Variants in ROBO1 observed in about 807,000 individuals in gnomAD.
ROBO1 encodes the protein roundabout guidance receptor 1, also known as roundabout homolog 1.
ROBO1 carries 149 observed loss-of-function variants against 195.9 expected under a neutral mutation model. The ratio of observed to expected loss-of-function variants is 0.76; its 90% CI spans 0.67 to 0.87. The LOEUF (loss-of-function observed/expected upper bound fraction) is 0.87, where lower values mean the gene tolerates loss of function less well. ROBO1 is among the 40% of genes least tolerant of loss of function. ROBO1 has a pLI of 0.00. For synonymous variants in ROBO1, 816 were observed against 733.2 expected (o/e 1.11, Z -1.82); for missense variants, 1,933 against 2,068.3 (o/e 0.93, Z 1.27).
At chr3:79,748,167 C>T (rs934907429) in intron 1 of ROBO1, among the ~76,000 whole-genome samples, 3 of 151,988 alleles carry the variant, frequency 2.0e-5, no homozygotes, top group South Asian at 4.1e-4. Flanking sequence ...TAGTAGAATA[C>T]AGTTAAATAA....
chr3:79,693,407 G>C (rs1017737522), intron 1 of ROBO1, among the ~76,000 whole-genome samples: 1 of 150,152 alleles, frequency 6.7e-6, no homozygotes, highest in Admixed American at 6.7e-5. Flanking sequence ...GTGTGTGTGT[G>C]TGTGTGTGTG....
chr3:79,303,059 T>C (rs923099172), intron 2 of ROBO1, among the ~76,000 whole-genome samples: 1 of 152,090 alleles, frequency 6.6e-6, no homozygotes, highest in Non-Finnish European at 1.5e-5. Context: ...CTGATAGATA[T>C]AATTGTATGT....
At chr3:78,672,613 A>G (rs1051608863) in intron 10 of ROBO1, among the ~76,000 whole-genome samples, 3 of 151,334 alleles carry the variant, frequency 2.0e-5, no homozygotes, top group Admixed American at 6.6e-5. Flanking sequence ...AAAAAAAAAA[A>G]AGAGAAATAT....
chr3:78,606,127 G>A (rs1346848427), intron 29 of ROBO1, among the ~76,000 whole-genome samples: 2 of 152,140 alleles, frequency 1.3e-5, no homozygotes, highest in African/African-American at 4.8e-5. Context: ...GCTCACAAAT[G>A]CCCTTGTTAT....
intron 2 of ROBO1, among the ~76,000 whole-genome samples, chr3:79,161,069 A>T (rs1188371051): frequency 1.3e-5 from 2 of 152,072 alleles, no homozygotes; most frequent in Non-Finnish European, 2.9e-5. Context: ...TGGTAATCAA[A>T]ATAGGAAAAT....
At chr3:79,562,812 T>A (rs945705899) in intron 2 of ROBO1, among the ~76,000 whole-genome samples, 1 of 151,992 alleles carries the variant, frequency 6.6e-6, no homozygotes, top group Non-Finnish European at 1.5e-5. Flanking sequence ...GTGATATCCA[T>A]TCAAAAACCA....
chr3:79,757,735 T>C (rs954086746), intron 1 of ROBO1, among the ~76,000 whole-genome samples: 1 of 152,014 alleles, frequency 6.6e-6, no homozygotes, highest in African/African-American at 2.4e-5. Flanking sequence ...TCAAATTGAA[T>C]CCAATATTTG....
At chr3:79,009,555 A>C (rs1439610034) in intron 3 of ROBO1, among the ~76,000 whole-genome samples, 1 of 152,232 alleles carries the variant, frequency 6.6e-6, no homozygotes, top group Non-Finnish European at 1.5e-5. Flanking sequence ...CAGTAAGAAA[A>C]GCAAAAGAAT....
At chr3:79,224,419 A>G (rs1340281760) in intron 2 of ROBO1, among the ~76,000 whole-genome samples, 1 of 152,176 alleles carries the variant, frequency 6.6e-6, no homozygotes, top group Non-Finnish European at 1.5e-5. Context: ...CACGCAGGGT[A>G]ACAGCACTGA....
chr3:78,630,106 A>G (rs1705093963), intron 25 of ROBO1, among the ~76,000 whole-genome samples: 2 of 152,196 alleles, frequency 1.3e-5, no homozygotes, highest in Admixed American at 1.3e-4. Context: ...GGCATGGCTT[A>G]TTGGGTTCCA....
chr3:79,029,994 T>C (rs767122652), intron 3 of ROBO1, among the ~76,000 whole-genome samples: 2 of 152,216 alleles, frequency 1.3e-5, no homozygotes, highest in Non-Finnish European at 2.9e-5. Context: ...TTGTTTTGTG[T>C]TGGCAATTTT....
At chr3:78,895,688 T>A (rs1318537961) in intron 4 of ROBO1, among the ~76,000 whole-genome samples, 1 of 152,228 alleles carries the variant, frequency 6.6e-6, no homozygotes, top group Non-Finnish European at 1.5e-5. Flanking sequence ...CAAAAGTTGA[T>A]CAAGTGAAGT....
chr3:79,133,638 C>T (rs1350345824), intron 2 of ROBO1, among the ~76,000 whole-genome samples: 21 of 70,218 alleles, frequency 3.0e-4, no homozygotes, highest in African/African-American at 2.8e-4. Context: ...AATGTCCTCC[C>T]GTAGCTCAGA....
At chr3:79,547,184 CAAAAAAAAAA>C (rs1162585941) in intron 2 of ROBO1, among the ~76,000 whole-genome samples, 17 of 23,272 alleles carry the variant, frequency 7.3e-4, no homozygotes, top group South Asian at 5.6e-3. Context: ...GACTCCGCCT[CAAAAAAAAAA>C]AAAAAAAAAA....
chr3:78,761,621 AC>A (rs201963667), intron 4 of ROBO1, among the ~76,000 whole-genome samples: 1 of 152,018 alleles, frequency 6.6e-6, no homozygotes, highest in Non-Finnish European at 1.5e-5. Flanking sequence ...ACTTACATGT[AC>A]TACAAGTTTC....
At chr3:78,848,997 T>A (rs1421228717) in intron 4 of ROBO1, among the ~76,000 whole-genome samples, 1 of 152,040 alleles carries the variant, frequency 6.6e-6, no homozygotes, top group African/African-American at 2.4e-5. Flanking sequence ...AAAGTAGAGA[T>A]GGCAGAATGT....
chr3:79,331,991 A>T (rs2034458205), intron 2 of ROBO1, among the ~76,000 whole-genome samples: 2 of 151,898 alleles, frequency 1.3e-5, no homozygotes, highest in African/African-American at 4.8e-5. Flanking sequence ...AAAATACAAA[A>T]AATTAGCCAG....
intron 2 of ROBO1, among the ~76,000 whole-genome samples, chr3:79,147,046 G>A (rs949258481): frequency 5.3e-5 from 8 of 152,012 alleles, no homozygotes; most frequent in South Asian, 2.1e-4. Flanking sequence ...GTGTAAAAGC[G>A]TCTCTGATCT....
chr3:78,980,950 T>G (rs1237667938), intron 3 of ROBO1, among the ~76,000 whole-genome samples: 1 of 152,206 alleles, frequency 6.6e-6, no homozygotes, highest in Non-Finnish European at 1.5e-5. Flanking sequence ...TGTTGTTACA[T>G]TCTAAGTCAT....
Sources: gnomAD v4.1 joint callset for allele counts (sites outside exome capture counted in the v4.1 genomes callset) on GRCh38, gnomAD v4.1.1 for gene constraint, MANE v1.5 for transcripts, NCBI Gene and HGNC (gene_info 2026-07-23, HGNC 2026-07-21) for gene names.